Variants in JAM3 observed in about 807,000 individuals in gnomAD.
The protein encoded by JAM3 is junctional adhesion molecule C.
JAM3 carries 31 observed loss-of-function variants against 39.4 expected under a neutral mutation model. The observed-to-expected ratio is 0.79, with a 90% confidence interval of 0.59 to 1.06. JAM3 has a LOEUF of 1.06. Ranked by LOEUF, JAM3 falls within the 50% of genes least tolerant of loss-of-function variation. The probability of loss-of-function intolerance (pLI) is 0.00; values close to 1 mark genes in which losing one functional copy is unlikely to be tolerated. For missense variants in JAM3, 455 were observed against 391.4 expected (o/e 1.16, Z -1.37); for synonymous variants, 182 against 148.7 (o/e 1.22, Z -1.63).
At chr11:134,091,723 G>A (rs1341724227) in intron 1 of JAM3, among the ~76,000 whole-genome samples, 2 of 151,908 alleles carry the variant, frequency 1.3e-5, no homozygotes, top group South Asian at 2.1e-4. Flanking sequence ...ATTTATAGCC[G>A]ACTAAGTCTG....
intron 1 of JAM3, among the ~76,000 whole-genome samples, chr11:134,110,540 CAA>C (rs952203176): frequency 2.0e-5 from 3 of 152,106 alleles, no homozygotes; most frequent in Non-Finnish European, 4.4e-5. Flanking sequence ...AAAGGCCAGA[CAA>C]GAAGAGTACA....
At chr11:134,089,323 T>TA (rs1324936517) in intron 1 of JAM3, among the ~76,000 whole-genome samples, 4 of 152,172 alleles carry the variant, frequency 2.6e-5, no homozygotes, top group Non-Finnish European at 5.9e-5. Context: ...TTCTTTTTTT[T>TA]ATTATACTTT....
At chr11:134,086,396 G>A (rs1426645690) in intron 1 of JAM3, among the ~76,000 whole-genome samples, 1 of 140,002 alleles carries the variant, frequency 7.1e-6, no homozygotes, top group African/African-American at 2.9e-5. Context: ...GGACAGACGA[G>A]TATCCTGGAT....
intron 1 of JAM3, among the ~76,000 whole-genome samples, chr11:134,135,897 C>A (rs894214635): frequency 2.0e-5 from 3 of 151,966 alleles, no homozygotes; most frequent in Non-Finnish European, 4.4e-5. Flanking sequence ...GGTGAAACCC[C>A]ATCTCTACTA....
chr11:134,071,219 A>G (rs1402158162), intron 1 of JAM3, among the ~76,000 whole-genome samples: 2 of 152,146 alleles, frequency 1.3e-5, no homozygotes, highest in East Asian at 3.8e-4. Flanking sequence ...TTGCTAATTT[A>G]TTTAATCTTG....
chr11:134,127,301 T>A (rs1291383035), intron 1 of JAM3, among the ~76,000 whole-genome samples: 4 of 152,224 alleles, frequency 2.6e-5, no homozygotes. Context: ...AAGGAATTAA[T>A]CTGAATCATT....
intron 1 of JAM3, among the ~76,000 whole-genome samples, chr11:134,108,058 A>G (rs1331974969): frequency 2.6e-5 from 4 of 152,132 alleles, no homozygotes; most frequent in Admixed American, 2.6e-4. Flanking sequence ...AACCTCTACT[A>G]GACTAATTGG....
intron 1 of JAM3, among the ~76,000 whole-genome samples, chr11:134,120,091 A>G (rs1942505253): frequency 6.7e-6 from 1 of 150,174 alleles, no homozygotes. Flanking sequence ...TTGGTGAAGG[A>G]ACTAAGACAT....
rs142881083 is a variant in JAM3 at position 134,125,947 on chromosome 11, G to A, written c.77-13904G>A. Among the ~76,000 whole-genome samples, 8 of 152,274 alleles carry A rather than the reference G, an allele frequency of 5.3e-5. No homozygotes were observed. The East Asian group carries it at 7.7e-4, about 15-fold the overall frequency. ...AGTCAACTGATCTACAGGAAGCAGC[G>A]TACCTTCACACTTGCTCTATGTCAA... On this transcript the variant is annotated intron_variant, in intron 1 of 8. Coordinates refer to ENST00000299106, the MANE Select transcript of JAM3 (RefSeq NM_032801.5).
chr11:134,129,326 C>G lies in JAM3; in HGVS notation c.77-10525C>G, dbSNP rs1035185298. ...AGAGATGGGGTTTCACAGTGTTAGC[C>G]AGGATGGTCTCAATCTCCTGACCTT... On this transcript the variant is annotated intron_variant, in intron 1 of 8. Coordinates refer to ENST00000299106, the MANE Select transcript of JAM3 (RefSeq NM_032801.5). Among the ~76,000 whole-genome samples, 4 of 152,116 alleles carry G rather than the reference C, an allele frequency of 2.6e-5. No homozygotes were observed. In the East Asian group the frequency reaches 7.8e-4, roughly 29 times the overall value.
chr11:134,139,850 G>A lies in JAM3; in HGVS notation c.77-1G>A. 6.2e-7 allele frequency: 1 copy of A among 1,613,400 alleles called. No homozygotes were observed. The highest frequency in any genetic ancestry group is 1.7e-5 in the Admixed American group (1 of 60,016). On this transcript the variant is annotated splice_acceptor_variant, in intron 1 of 8. Coordinates refer to ENST00000299106, the MANE Select transcript of JAM3 (RefSeq NM_032801.5). LOFTEE classifies it high-confidence loss of function. ...TGATTTTACTTTTCTTTCTCCTTCA[G>A]GCTGCCTGATAGGGGCTGTAAATCT... is the stretch of plus-strand genomic sequence containing the variant.
chr11:134,122,333 G>A (rs1008491681), intron 1 of JAM3, among the ~76,000 whole-genome samples: 2 of 152,166 alleles, frequency 1.3e-5, no homozygotes, highest in South Asian at 2.1e-4. Context: ...TAGAAGCAGG[G>A]CACTACTGAG....
intron 1 of JAM3, among the ~76,000 whole-genome samples, chr11:134,081,305 G>A (rs1941661715): frequency 6.6e-6 from 1 of 152,232 alleles, no homozygotes; most frequent in African/African-American, 2.4e-5. Context: ...CAAGACAATG[G>A]GGAAAATGTC....
chr11:134,148,480 G>A, intron 6 of JAM3, 67 bp from the exon 7 acceptor site: 9 of 1,608,800 alleles, frequency 5.6e-6, no homozygotes, highest in Non-Finnish European at 7.6e-6. Flanking sequence ...AGGCACAGCA[G>A]GGCCAGGGCC....
At chr11:134,124,169 A>T in intron 1 of JAM3, 1 of 1,459,380 alleles carries the variant, frequency 6.9e-7, no homozygotes, top group Non-Finnish European at 9.6e-7. Context: ...TTTCAACTGG[A>T]GCTTTATCAT....
intron 1 of JAM3, among the ~76,000 whole-genome samples, chr11:134,072,499 G>A (rs1384461716): frequency 6.6e-6 from 1 of 152,136 alleles, no homozygotes; most frequent in Non-Finnish European, 1.5e-5. Flanking sequence ...TAGTAGACAT[G>A]GGGTTTCACC....
At chr11:134,140,425 T>C (rs1425297031) in intron 2 of JAM3, among the ~76,000 whole-genome samples, 1 of 152,188 alleles carries the variant, frequency 6.6e-6, no homozygotes, top group Non-Finnish European at 1.5e-5. Context: ...ATTTCTTATA[T>C]ACAAGCAGGG....
chr11:134,087,180 G>A (rs983779705), intron 1 of JAM3, among the ~76,000 whole-genome samples: 14 of 151,870 alleles, frequency 9.2e-5, no homozygotes, highest in Admixed American at 1.3e-4. Flanking sequence ...TGAGATTATT[G>A]TGCCATGAAG....
chr11:134,124,243 C>T (rs1942595198), intron 1 of JAM3: 2 of 1,170,242 alleles, frequency 1.7e-6, no homozygotes, highest in Admixed American at 1.7e-5. Context: ...TCTGGGAACT[C>T]GTTGAGAGTA....
Sources: gnomAD v4.1 joint callset for allele counts (sites outside exome capture counted in the v4.1 genomes callset) on GRCh38, gnomAD v4.1.1 for gene constraint, MANE v1.5 for transcripts, NCBI Gene and HGNC (gene_info 2026-07-23, HGNC 2026-07-21) for gene names.